Variants in CARS2 observed in about 807,000 individuals in gnomAD.
CARS2 encodes the protein probable cysteine--tRNA ligase, mitochondrial.
Under a neutral mutation model 68.8 loss-of-function variants are expected in CARS2, and 52 were observed. The ratio of observed to expected loss-of-function variants is 0.76; its 90% CI spans 0.61 to 0.95. The LOEUF is 0.95. CARS2 is among the 40% of genes least tolerant of loss of function. CARS2 has a pLI of 0.00. For missense variants in CARS2, 780 were observed against 754.2 expected, an observed-to-expected ratio of 1.03 and a Z score of -0.40; for synonymous variants, 314 against 303.6, an observed-to-expected ratio of 1.03 and a Z score of -0.36.
chr13:110,660,918 C>T (rs896781362), intron 9 of CARS2, among the ~76,000 whole-genome samples: 8 of 152,040 alleles, frequency 5.3e-5, no homozygotes, highest in Admixed American at 5.2e-4. Flanking sequence ...TCCACCACCA[C>T]GCCCAGCTAA....
In CARS2 at chr13:110,670,589, A is replaced by C. The variant is rs1421916786; in HGVS notation, c.786-3116T>G. On this transcript the variant is annotated intron_variant, in intron 7 of 14. Transcript: ENST00000257347. The surrounding 1 kb of genome is among the most constrained non-coding windows in gnomAD (Gnocchi z 4.1). ...CATCAAAGACCAAAGGTAGACAAAA[A>C]CCACAAAGATGGGGAGAAACCAGAG... is the stretch of plus-strand genomic sequence containing the variant. Among the ~76,000 whole-genome samples, 2 of 152,166 alleles carry C rather than the reference A, an allele frequency of 1.3e-5. No homozygotes were observed.
At chr13:110,706,290 C>T (rs193149161), upstream of CARS2, 3 of 346,508 alleles carry the variant, frequency 8.7e-6, no homozygotes, top group Non-Finnish European at 1.5e-5. Flanking sequence ...AACCAGGGCC[C>T]GAAGAGGTTG....
intron 14 of CARS2, 39 bp from the exon 15 acceptor site, chr13:110,641,647 C>G (rs1416417676): frequency 1.3e-6 from 2 of 1,512,858 alleles, no homozygotes; most frequent in Admixed American, 1.7e-5. Flanking sequence ...GAGCAGACAC[C>G]ACGTCATGTG....
intron 9 of CARS2, among the ~76,000 whole-genome samples, chr13:110,657,304 G>A (rs764219894): frequency 3.9e-5 from 6 of 152,208 alleles, no homozygotes; most frequent in Non-Finnish European, 8.8e-5. Flanking sequence ...AAGCGTAGAC[G>A]CAGTGTCACT....
intron 7 of CARS2, among the ~76,000 whole-genome samples, chr13:110,671,915 C>A (rs9521887): frequency 1.3e-5 from 2 of 152,022 alleles, no homozygotes; most frequent in African/African-American, 2.4e-5. Context: ...GGTTGCAAAC[C>A]TAGTGTCTGA....
chr13:110,656,273 A>G (rs2062364477), intron 9 of CARS2, among the ~76,000 whole-genome samples: 1 of 152,232 alleles, frequency 6.6e-6, no homozygotes, highest in South Asian at 2.1e-4. Context: ...AATGCACTAC[A>G]GCCTGGGTGA....
intron 9 of CARS2, among the ~76,000 whole-genome samples, chr13:110,655,415 C>A (rs2062339002): frequency 6.6e-6 from 1 of 152,222 alleles, no homozygotes; most frequent in South Asian, 2.1e-4. Context: ...AATTAAGCTG[C>A]ACCCACACAC....
At position 110,665,030 on chromosome 13, in the gene CARS2, T is replaced by A; in HGVS notation, c.920-1512A>T. 1 of 985,428 alleles carries A rather than the reference T, an allele frequency of 1.0e-6. No individual in the cohort carries two copies. Among genetic ancestry groups the A allele is most frequent in the Non-Finnish European group, 1.2e-6 (1 of 829,922 alleles). 61.0% of individuals were successfully genotyped at this position (985,428 alleles called of 1,614,324 possible). ...CCACTTAGCTCTTCCATCCACTGGGTACAGGAGAACAGGTGTCACTTCTCC... is the reference window on the plus strand; with the variant it reads ...CCACTTAGCTCTTCCATCCACTGGGAACAGGAGAACAGGTGTCACTTCTCC... On this transcript the variant is annotated intron_variant, in intron 8 of 14. Transcript: ENST00000257347. This position sits in a 1 kb window ranked among gnomAD's most constrained non-coding sequence, Gnocchi z 4.3.
intron 5 of CARS2, among the ~76,000 whole-genome samples, chr13:110,683,441 A>C (rs1007748134): frequency 1.3e-5 from 2 of 152,234 alleles, no homozygotes; most frequent in African/African-American, 4.8e-5. Context: ...TGTTAACCAG[A>C]ATTAAAAACA....
In CARS2 at chr13:110,713,087, C is replaced by G. The variant is rs112587620; in HGVS notation, n.399+50G>C. On this transcript the variant is annotated intron_variant and non_coding_transcript_variant, in intron 1 of 2. Transcript: ENST00000485188. ...CCCGGCCCTCCCCTTCCTTCCGCCT[C>G]CCGGAGGACTTGGGTTTCTAGTAGT... 2.7e-5 allele frequency: 39 copies of G among 1,441,912 alleles called. 1 individual carries two copies. The East Asian group carries it at 7.7e-4, about 29-fold the overall frequency. The allele number at this position is 1,441,912 out of a possible 1,614,324, so 89.3% of individuals were successfully genotyped here.
chr13:110,651,026 C>T lies in CARS2; in HGVS notation c.1054+8G>A, dbSNP rs374859. The T allele has an allele frequency of 7.7e-4, 1,243 of 1,609,788 alleles. 10 individuals are homozygous for T. The African/African-American group carries it at 0.014, about 19-fold the overall frequency. On this transcript the variant is annotated splice_region_variant and intron_variant, in intron 10 of 14. Coordinates refer to ENST00000257347, the MANE Select transcript of CARS2 (RefSeq NM_024537.4). ...GGGGGGAGTCCACTCCACGTGTGCT[C>T]GGCTCACCTGAGCGGTAGCTGCTCC... is the stretch of plus-strand genomic sequence containing the variant.
At chr13:110,712,501 G>GAGA in intron 1 of CARS2, 1 of 285,782 alleles carries the variant, frequency 3.5e-6, no homozygotes, top group Non-Finnish European at 6.9e-6. Flanking sequence ...ACGAGGCCAC[G>GAGA]CCCAGGAGGG....
In CARS2 at chr13:110,661,642, G is replaced by A. The variant is rs144957206; in HGVS notation, c.987+1809C>T. 8.5e-4 allele frequency among the ~76,000 whole-genome samples: 129 copies of A among 152,342 alleles called. 1 individual carries two copies. The highest frequency in any genetic ancestry group is 6.8e-3 in the South Asian group (33 of 4,828). On this transcript the variant is annotated intron_variant, in intron 9 of 14. Coordinates refer to ENST00000257347, the MANE Select transcript of CARS2 (RefSeq NM_024537.4). ...GAGGCTTAGCTTTCAGCCTGTCTCA[G>A]CTTTTGACATACCCTCCTCATTAAG...
chr13:110,649,683 C>T (rs1442498315), intron 10 of CARS2, among the ~76,000 whole-genome samples: 1 of 152,142 alleles, frequency 6.6e-6, no homozygotes, highest in Non-Finnish European at 1.5e-5. Flanking sequence ...AGGGAGGTGG[C>T]ATGACAACAG....
intron 2 of CARS2, among the ~76,000 whole-genome samples, chr13:110,703,047 G>C (rs1388747141): frequency 6.6e-6 from 1 of 152,028 alleles, no homozygotes; most frequent in Non-Finnish European, 1.5e-5. Flanking sequence ...TCCCCAGTCT[G>C]GCTGCAACTG....
At chr13:110,666,193 T>C in intron 8 of CARS2, 1 of 985,378 alleles carries the variant, frequency 1.0e-6, no homozygotes, top group Non-Finnish European at 1.2e-6. Flanking sequence ...CCTTAAATAT[T>C]CCACCACTGG....
In CARS2 at chr13:110,665,373, G is replaced by A. The variant is rs914892867; in HGVS notation, c.920-1855C>T. 21 of 862,702 alleles carry A rather than the reference G, an allele frequency of 2.4e-5. 1 individual carries two copies. In the Admixed American group the frequency reaches 1.3e-3, roughly 54 times the overall value. The allele number at this position is 862,702 out of a possible 1,614,324, so 53.4% of individuals were successfully genotyped here. ...AGGCAGGAGAATTGCTTGAACCCAG[G>A]AGGCAGAGGTTGCGGTGAGCTCAGA... On this transcript the variant is annotated intron_variant, in intron 8 of 14. Transcript: ENST00000257347. The surrounding 1 kb of genome is among the most constrained non-coding windows in gnomAD (Gnocchi z 4.3).
At chr13:110,644,511 C>T in intron 12 of CARS2, 28 bp from the exon 13 acceptor site, 1 of 1,613,162 alleles carries the variant, frequency 6.2e-7, no homozygotes, top group Non-Finnish European at 8.5e-7. Context: ...GCAGAAGCTC[C>T]TTAAAAGCAG....
chr13:110,713,061 G>C, intron 1 of CARS2: 1 of 1,459,486 alleles, frequency 6.9e-7, no homozygotes. Context: ...TTCCGCCCGT[G>C]CCCGGCCCTC....
Sources: allele counts gnomAD v4.1 joint callset (sites outside exome capture counted in the v4.1 genomes callset), GRCh38; gene constraint gnomAD v4.1.1; non-coding constraint Gnocchi (gnomAD v3.1); transcripts MANE v1.5; gene names NCBI Gene and HGNC (gene_info 2026-07-23, HGNC 2026-07-21).